The following ZNF93 variants were observed in gnomAD, a reference collection of about 807,000 sequenced individuals.
ZNF93 encodes zinc finger protein 93.
A neutral mutation model predicts 45.0 loss-of-function variants in ZNF93; 29 were observed. That is an observed-to-expected ratio of 0.64 (90% CI 0.48 to 0.88). The LOEUF (loss-of-function observed/expected upper bound fraction) is 0.88. Among genes scored for constraint, ZNF93 ranks in the 40% least tolerant of loss-of-function variants. The probability of loss-of-function intolerance (pLI) is 0.00; values close to 1 mark genes in which losing one functional copy is unlikely to be tolerated. For synonymous variants in ZNF93, 223 were observed against 244.6 expected (o/e 0.91, Z 0.82); for missense variants, 578 against 724.0 (o/e 0.80, Z 2.31).
chr19:19,924,988 G>C (rs1316676302), intron 3 of ZNF93, among the ~76,000 whole-genome samples: 2 of 152,346 alleles, frequency 1.3e-5, no homozygotes, highest in South Asian at 4.1e-4. Flanking sequence ...CGCAGTAAAA[G>C]CGAAGGTCTG....
chr19:19,905,588 A>G (rs2063290534), intron 1 of ZNF93, among the ~76,000 whole-genome samples: 1 of 151,834 alleles, frequency 6.6e-6, no homozygotes, highest in Non-Finnish European at 1.5e-5. Flanking sequence ...TATGTTCCAT[A>G]TTTTGTTTTT....
intron 1 of ZNF93, among the ~76,000 whole-genome samples, chr19:19,914,456 T>C (rs1308234262): frequency 6.6e-6 from 1 of 152,212 alleles, no homozygotes; most frequent in Non-Finnish European, 1.5e-5. Flanking sequence ...ATTTACGTTA[T>C]TTGGGAGGAA....
intron 3 of ZNF93, among the ~76,000 whole-genome samples, chr19:19,930,039 G>A (rs2063368668): frequency 6.6e-6 from 1 of 151,834 alleles, no homozygotes; most frequent in Admixed American, 6.6e-5. Context: ...ACCAAGACGT[G>A]GAGACCGATA....
intron 1 of ZNF93, chr19:19,908,416 T>G (rs2063298644): frequency 6.6e-6 from 1 of 152,254 alleles, no homozygotes; most frequent in African/African-American, 2.4e-5. Flanking sequence ...CTCATGTTTC[T>G]CATACTGAGA....
chr19:19,913,547 A>G (rs1343366358), intron 1 of ZNF93, among the ~76,000 whole-genome samples: 1 of 152,150 alleles, frequency 6.6e-6, no homozygotes, highest in Admixed American at 6.6e-5. Context: ...TATTTCCATT[A>G]CTGTAGCAAA....
intron 3 of ZNF93, among the ~76,000 whole-genome samples, chr19:19,920,836 T>C (rs1456680033): frequency 1.3e-5 from 2 of 152,208 alleles, no homozygotes; most frequent in East Asian, 1.9e-4. Context: ...CTTCTCTCTT[T>C]TCTTCATTAG....
intron 1 of ZNF93, among the ~76,000 whole-genome samples, chr19:19,913,405 C>T (rs952182364): frequency 3.9e-5 from 6 of 151,994 alleles, no homozygotes; most frequent in Non-Finnish European, 5.9e-5. Context: ...TCATGTGACT[C>T]TAAGGTGATT....
intron 3 of ZNF93, among the ~76,000 whole-genome samples, chr19:19,923,784 G>T (rs569529594): frequency 1.2e-4 from 18 of 152,258 alleles, no homozygotes; most frequent in African/African-American, 4.3e-4. Context: ...TATTAGGGTG[G>T]GAGTGACCCA....
intron 1 of ZNF93, among the ~76,000 whole-genome samples, 177 bp from the exon 2 acceptor site, chr19:19,915,101 CCT>C (rs1491471825): frequency 6.6e-6 from 1 of 152,018 alleles, no homozygotes; most frequent in African/African-American, 2.4e-5. Flanking sequence ...CTAATGCTGC[CCT>C]TTTTTTCTCA....
At chr19:19,915,630 G>A (rs1482071895) in intron 2 of ZNF93, among the ~76,000 whole-genome samples, 2 of 151,944 alleles carry the variant, frequency 1.3e-5, no homozygotes, top group African/African-American at 4.8e-5. Context: ...TGCCTGAGGC[G>A]AGGAGTTCGA....
At chr19:19,923,636 C>A (rs947650681) in intron 3 of ZNF93, among the ~76,000 whole-genome samples, 1 of 152,222 alleles carries the variant, frequency 6.6e-6, no homozygotes, top group Admixed American at 6.5e-5. Flanking sequence ...CTCCCCCAGC[C>A]TCGCTGGTGC....
In ZNF93 at chr19:19,933,730, T is replaced by C. The variant is rs746434595; in HGVS notation, c.775T>C (p.Cys259Arg). The change falls in exon 4 of 4, where the codon TGT becomes CGT. Residue 259 changes from cysteine to arginine, a missense_variant. Transcript: ENST00000343769. ...TCATACTGGAAAGAAACCCTACAAG[T>C]GTGAAGAATGTGGCAAAGCTTTTAA... Reference protein sequence around the residue: ...IIHTGKKPYKCEECGKAFNQS... With the variant: ...IIHTGKKPYKREECGKAFNQS... 6.2e-7 allele frequency: 1 copy of C among 1,613,228 alleles called. No homozygotes were observed. Among genetic ancestry groups the C allele is most frequent in the Non-Finnish European group, 8.5e-7 (1 of 1,179,646 alleles).
At chr19:19,927,339 CAG>C in intron 3 of ZNF93, 1 of 397,000 alleles carries the variant, frequency 2.5e-6, no homozygotes, top group Admixed American at 4.4e-5. Context: ...GCTTGGGTGA[CAG>C]AGTGAGACCC....
intron 1 of ZNF93, among the ~76,000 whole-genome samples, chr19:19,914,582 C>A (rs2063318258): frequency 6.6e-6 from 1 of 152,160 alleles, no homozygotes. Context: ...CAGATTTTTT[C>A]ACTATAGTTA....
intron 3 of ZNF93, among the ~76,000 whole-genome samples, chr19:19,923,029 A>G (rs2063346233): frequency 6.6e-6 from 1 of 151,918 alleles, no homozygotes; most frequent in South Asian, 2.1e-4. Flanking sequence ...TATAATTTTC[A>G]GTTTTTCTGC....
Position 19,922,837 on chromosome 19 carries a change from G to A in ZNF93, c.226+6182G>A, listed in dbSNP as rs138799389. On this transcript the variant is annotated intron_variant, in intron 3 of 3. Coordinates refer to ENST00000343769, the MANE Select transcript of ZNF93 (RefSeq NM_031218.4). ...CATTGGTTCCTTTAGTTAGCCATTC[G>A]TCTAATCTTTTTTCAAGGTTTTTAA... 3.0e-3 allele frequency among the ~76,000 whole-genome samples: 464 copies of A among 152,232 alleles called. 5 individuals carry two copies. The highest frequency in any genetic ancestry group is 0.01 in the Middle Eastern group (3 of 294).
intron 3 of ZNF93, among the ~76,000 whole-genome samples, chr19:19,927,621 G>T (rs1220167233): frequency 6.6e-6 from 1 of 152,028 alleles, no homozygotes; most frequent in Non-Finnish European, 1.5e-5. Flanking sequence ...TATTCACAAG[G>T]TTCATCTAAA....
chr19:19,914,424 T>G (rs1328068131), intron 1 of ZNF93, among the ~76,000 whole-genome samples: 1 of 152,214 alleles, frequency 6.6e-6, no homozygotes, highest in East Asian at 1.9e-4. Flanking sequence ...TGATGTTTCT[T>G]TATGGTTAAA....
intron 3 of ZNF93, among the ~76,000 whole-genome samples, chr19:19,930,229 C>T (rs2063369511): frequency 6.6e-6 from 1 of 152,118 alleles, no homozygotes; most frequent in South Asian, 2.1e-4. Context: ...AGAGAGACAG[C>T]TTATGCCATT....
Sources: gnomAD v4.1 joint callset for allele counts (sites outside exome capture counted in the v4.1 genomes callset) on GRCh38, gnomAD v4.1.1 for gene constraint, MANE v1.5 for transcripts, NCBI Gene and HGNC (gene_info 2026-07-23, HGNC 2026-07-21) for gene names.